Variants in NFATC4 observed in about 807,000 individuals in gnomAD.
NFATC4 encodes the protein nuclear factor of activated T-cells, cytoplasmic 4.
NFATC4 carries 25 observed loss-of-function variants against 73.4 expected under a neutral mutation model. The ratio of observed to expected loss-of-function variants is 0.34; its 90% CI spans 0.25 to 0.48. The LOEUF is 0.48. NFATC4 is among the 20% of genes least tolerant of loss of function. The pLI is 0.99. For missense variants in NFATC4, 1,130 were observed against 1,203.7 expected (o/e 0.94, Z 0.91); for synonymous variants, 523 against 510.3 (o/e 1.02, Z -0.34).
Position 24,373,940 on chromosome 14 carries a change from C to G in NFATC4, c.1732+73C>G, listed in dbSNP as rs914916058. On this transcript the variant is annotated intron_variant, in intron 5 of 9. Coordinates refer to ENST00000250373, the MANE Select transcript of NFATC4 (RefSeq NM_004554.5). The surrounding 1 kb of genome is among the most constrained non-coding windows in gnomAD (Gnocchi z 4.7). The stretch of plus-strand genomic sequence containing the variant: ...TGTCTGTGTGTGTGTGTCTGTCTGC[C>G]CATTCCCTCTGCAGCGTCCTGTGCC... 5 of 1,583,202 alleles carry G rather than the reference C, an allele frequency of 3.2e-6. No homozygotes were observed. Among genetic ancestry groups the G allele is most frequent in the Non-Finnish European group, 4.3e-6 (5 of 1,160,408 alleles).
rs983982617 is a variant in NFATC4, at chr14:24,373,024, C to T, written c.1360-147C>T. On this transcript the variant is annotated intron_variant, in intron 3 of 9. Coordinates refer to ENST00000250373, the MANE Select transcript of NFATC4 (RefSeq NM_004554.5). This position sits in a 1 kb window ranked among gnomAD's most constrained non-coding sequence, Gnocchi z 4.7. ...ACTCCAGGCCATGTTTTCTCCACAACGGGTGCCCAGTTCCCCAAGGGATTC... is the reference window on the plus strand; with the variant it reads ...ACTCCAGGCCATGTTTTCTCCACAATGGGTGCCCAGTTCCCCAAGGGATTC... 2.5e-5 allele frequency: 20 copies of T among 789,700 alleles called. No homozygotes were observed. Among genetic ancestry groups the T allele is most frequent in the Admixed American group, 8.3e-5 (3 of 36,176 alleles). 48.9% of individuals were successfully genotyped at this position (789,700 alleles called of 1,614,324 possible).
intron 2 of NFATC4, 60 bp downstream of exon 2, chr14:24,370,654 G>A (rs779923071): frequency 1.3e-6 from 2 of 1,545,496 alleles, no homozygotes; most frequent in Non-Finnish European, 1.8e-6. Flanking sequence ...GAGCAGGAGG[G>A]TCAAGGGATG....
rs1481462012 is a variant in NFATC4, at chr14:24,370,147, T to G, written c.749T>G (p.Leu250Arg). 6.2e-7 allele frequency: 1 copy of G among 1,603,742 alleles called. No individual in the cohort carries two copies. The highest frequency in any genetic ancestry group is 8.5e-7 in the Non-Finnish European group (1 of 1,179,692). ...GGGCCAGAGGATAGCTGGCTACTCC[T>G]CAGTGCTCCTGGGCCCACCCCAGCC... ...GRGPEDSWLL[L>R]SAPGPTPASP... The change falls in exon 2 of 10, where the codon CTC (leucine) becomes CGC (arginine). Residue 250 changes from leucine (L) to arginine (R), a missense_variant. Leu to Arg is a moderately radical substitution (Grantham distance 102). This residue lies in a region of NFATC4 where 585 missense variants were observed against 574.3 expected (regional missense o/e 1.02). Coordinates refer to ENST00000250373, the MANE Select transcript of NFATC4 (RefSeq NM_004554.5).
Position 24,369,440 on chromosome 14 carries a change from C to T in NFATC4, c.101-59C>T, listed in dbSNP as rs748315060. On this transcript the variant is annotated intron_variant, in intron 1 of 9. Transcript: ENST00000250373. ...CGGCCTGGCCACTCAAGGAACATAGCCATCTCACCTGCTTCTCTCTTTCCC... is the reference window on the plus strand; with the variant it reads ...CGGCCTGGCCACTCAAGGAACATAGTCATCTCACCTGCTTCTCTCTTTCCC... 5.0e-6 allele frequency: 8 copies of T among 1,610,574 alleles called. No individual in the cohort carries two copies. The Admixed American group carries it at 1.2e-4, about 23-fold the overall frequency.
chr14:24,370,479 T>C lies in NFATC4; in HGVS notation c.1081T>C (p.Ser361Pro). 1.9e-6 allele frequency: 3 copies of C among 1,613,588 alleles called. No individual in the cohort carries two copies. Among genetic ancestry groups the C allele is most frequent in the Non-Finnish European group, 2.5e-6 (3 of 1,179,852 alleles). ...NGKLPLGAEE[S>P]VAPPGGSRKE... Reference sequence around the variant, plus strand: ...GAAGCTGCCCTTGGGAGCAGAGGAGTCTGTGGCTCCTCCAGGAGGTTCCCG... The same window carrying C: ...GAAGCTGCCCTTGGGAGCAGAGGAGCCTGTGGCTCCTCCAGGAGGTTCCCG... Residue 361 changes from serine (S) to proline (P), a missense_variant, in exon 2 of 10, where the codon TCT becomes CCT. Coordinates refer to ENST00000250373, the MANE Select transcript of NFATC4 (RefSeq NM_004554.5).
In NFATC4 at chr14:24,369,624, C is replaced by T. The variant is rs1364497068; in HGVS notation, c.226C>T (p.Pro76Ser). The change falls in exon 2 of 10, where the codon CCG (proline) becomes TCG (serine). Residue 76 changes from proline (P) to serine (S), a missense_variant. By Grantham distance (74) the Pro-to-Ser change is moderately conservative (BLOSUM62 -1). This residue lies in a region of NFATC4 where 585 missense variants were observed against 574.3 expected (regional missense o/e 1.02). Coordinates refer to ENST00000250373, the MANE Select transcript of NFATC4 (RefSeq NM_004554.5). ...PPRPGMHSPP[P>S]RPAPSPGTWE... The stretch of plus-strand genomic sequence containing the variant: ...TCGGCCTGGCATGCATTCGCCACCG[C>T]CGCGACCAGCCCCCTCACCTGGCAC... 3 of 1,613,274 alleles carry T rather than the reference C, an allele frequency of 1.9e-6. No homozygotes were observed. The highest frequency in any genetic ancestry group is 1.1e-5 in the South Asian group (1 of 91,048).
intron 6 of NFATC4, 148 bp downstream of exon 6, chr14:24,374,614 C>T (rs922951844): frequency 5.5e-6 from 4 of 727,774 alleles, no homozygotes; most frequent in African/African-American, 3.5e-5. Flanking sequence ...TTCTATTATA[C>T]TGTCTGCTTT....
At chr14:24,375,757 G>GGGGGGGGGGGC in intron 7 of NFATC4, 42 bp downstream of exon 7, 3 of 566,426 alleles carry the variant, frequency 5.3e-6, no homozygotes, top group Non-Finnish European at 9.9e-6. Context: ...GCGGGGGTGG[G>GGGGGGGGGGGC]AGAAGGCAGG....
chr14:24,367,017 C>T, upstream of NFATC4: 2 of 1,612,750 alleles, frequency 1.2e-6, no homozygotes, highest in Non-Finnish European at 1.7e-6. Context: ...GAGACGCGGC[C>T]TCTAAGAGAG....
chr14:24,377,056 A>C lies in NFATC4; in HGVS notation c.2641+178A>C, dbSNP rs575952702. The C allele has an allele frequency of 8.0e-6, 11 of 1,377,950 alleles. No individual in the cohort carries two copies. The East Asian group carries it at 1.9e-4, about 24-fold the overall frequency. The allele number at this position is 1,377,950 out of a possible 1,614,324, so 85.4% of individuals were successfully genotyped here. ...GTGGCTGCCTGAATCCAATTAACTG[A>C]ATTCTGAAGAGTGCATGGGGTAACT... On this transcript the variant is annotated intron_variant, in intron 9 of 9. Transcript: ENST00000250373. This position sits in a 1 kb window ranked among gnomAD's most constrained non-coding sequence, Gnocchi z 4.2.
chr14:24,372,562 G>A lies in NFATC4; in HGVS notation c.1318G>A (p.Gly440Arg), dbSNP rs1345572204. Reference protein sequence around the residue: ...RAHYETEGSRGAVKAAPGGHP... With the variant: ...RAHYETEGSRRAVKAAPGGHP... Reference sequence around the variant, plus strand: ...CCACTATGAGACAGAAGGCAGCCGTGGAGCTGTCAAAGCTGCCCCTGGCGG... The same window carrying A: ...CCACTATGAGACAGAAGGCAGCCGTAGAGCTGTCAAAGCTGCCCCTGGCGG... The change falls in exon 3 of 10, where the codon GGA becomes AGA. Residue 440 changes from glycine to arginine, a missense_variant. By Grantham distance (125) the Gly-to-Arg change is moderately radical (BLOSUM62 -2). This residue lies in a region of NFATC4 where 155 missense variants were observed against 221.2 expected (regional missense o/e 0.70). Coordinates refer to ENST00000250373, the MANE Select transcript of NFATC4 (RefSeq NM_004554.5). The A allele has an allele frequency of 6.2e-7, 1 of 1,613,980 alleles. No individual in the cohort carries two copies. The highest frequency in any genetic ancestry group is 1.3e-5 in the African/African-American group (1 of 74,916).
In NFATC4 at chr14:24,369,695, A is replaced by AGGGGGTGCT. The variant is rs56115223; in HGVS notation, c.314_322dup (p.Ala105_Gly107dup). 0.025 allele frequency: 40,139 copies of AGGGGGTGCT among 1,611,070 alleles called. 601 individuals carry two copies. The highest frequency in any genetic ancestry group is 0.031 in the South Asian group (2,804 of 90,780). On this transcript the variant is annotated inframe_insertion, in exon 2 of 10. Transcript: ENST00000250373. The stretch of plus-strand genomic sequence containing the variant: ...GGTCGGTGAGGCTGGGAGGACCAGG[A>AGGGGGTGCT]GGGGGTGCTGGGGGTGCTGGGGGTG...
At chr14:24,367,091 C>A (rs775267825), upstream of NFATC4, 12 of 1,613,794 alleles carry the variant, frequency 7.4e-6, no homozygotes, top group Admixed American at 1.7e-4. Context: ...ACCCGCCAGC[C>A]TCGCCAGTAT....
At chr14:24,367,802 T>TA, upstream of NFATC4, 1 of 1,342,958 alleles carries the variant, frequency 7.4e-7, no homozygotes, top group Non-Finnish European at 9.8e-7. Flanking sequence ...CTTCAGAATT[T>TA]AAAAAAGGGT....
upstream of NFATC4, chr14:24,367,608 T>C: frequency 1.3e-6 from 2 of 1,536,140 alleles, no homozygotes; most frequent in Non-Finnish European, 1.7e-6. Flanking sequence ...AGGCGCTGAT[T>C]CGGCAGCGCA....
chr14:24,375,306 G>A (rs2042582091), intron 6 of NFATC4, among the ~76,000 whole-genome samples: 1 of 152,106 alleles, frequency 6.6e-6, no homozygotes, highest in South Asian at 2.1e-4. Flanking sequence ...GTTCTGTCGA[G>A]CTAGGACCCT....
At position 24,379,424 on chromosome 14, in the gene NFATC4, C is replaced by T. The variant is rs529549998; in HGVS notation, c.*1719C>T. ...GAGGGTGGATCAGCCTCTGTGTAAA[C>T]AAAAAGCTGTTAGGACTTGTTGCCT... On this transcript the variant is annotated 3_prime_UTR_variant, in exon 10 of 10. Coordinates refer to ENST00000250373, the MANE Select transcript of NFATC4 (RefSeq NM_004554.5). 6.6e-6 allele frequency: 1 copy of T among 152,226 alleles called. No individual in the cohort carries two copies. The highest frequency in any genetic ancestry group is 2.4e-5 in the African/African-American group (1 of 41,490). 9.4% of individuals were successfully genotyped at this position (152,226 alleles called of 1,614,324 possible).
In NFATC4 at chr14:24,373,001, T is replaced by G; in HGVS notation, c.1360-170T>G. On this transcript the variant is annotated intron_variant, in intron 3 of 9. Coordinates refer to ENST00000250373, the MANE Select transcript of NFATC4 (RefSeq NM_004554.5). The surrounding 1 kb of genome is among the most constrained non-coding windows in gnomAD (Gnocchi z 4.7). ...TTATTCCAAGAAAAACACTGTGAAC[T>G]CCAGGCCATGTTTTCTCCACAACGG... is the stretch of plus-strand genomic sequence containing the variant. 1.4e-6 allele frequency: 1 copy of G among 698,654 alleles called. No homozygotes were observed. Among genetic ancestry groups the G allele is most frequent in the East Asian group, 2.7e-5 (1 of 36,746 alleles). The allele number at this position is 698,654 out of a possible 1,614,324, so 43.3% of individuals were successfully genotyped here. A position where few individuals can be genotyped will look rare whatever the true frequency, so the allele number is the denominator to read the frequency against.
Position 24,373,654 on chromosome 14 carries a change from G to A in NFATC4, c.1560-41G>A, listed in dbSNP as rs1217202296. ...TCTTTAGGGATGTATCACCATTTTG[G>A]CTTCAGCTAGGAGGGCTTGCCATCC... On this transcript the variant is annotated intron_variant, in intron 4 of 9. Coordinates refer to ENST00000250373, the MANE Select transcript of NFATC4 (RefSeq NM_004554.5). The surrounding 1 kb of genome is among the most constrained non-coding windows in gnomAD (Gnocchi z 4.7). 5.1e-6 allele frequency: 8 copies of A among 1,572,900 alleles called. No individual in the cohort carries two copies. In the Admixed American group the frequency reaches 1.4e-4, roughly 28 times the overall value.
Sources: allele counts gnomAD v4.1 joint callset (sites outside exome capture counted in the v4.1 genomes callset), GRCh38; gene constraint gnomAD v4.1.1; regional missense constraint gnomAD v4.1.1; non-coding constraint Gnocchi (gnomAD v3.1); transcripts MANE v1.5; gene names NCBI Gene and HGNC (gene_info 2026-07-23, HGNC 2026-07-21).